The following STXBP5 variants were observed in gnomAD, a reference collection of about 807,000 sequenced individuals.
STXBP5 encodes syntaxin-binding protein 5.
In STXBP5, 50 loss-of-function variants were observed where a neutral mutation model predicts 152.4. That is an observed-to-expected ratio of 0.33 (90% CI 0.26 to 0.42). STXBP5 has a LOEUF of 0.42. STXBP5 is among the 10% of genes least tolerant of loss of function. The pLI, the probability that STXBP5 is intolerant of heterozygous loss-of-function variation, is 1.00. For synonymous variants in STXBP5, 492 were observed against 494.7 expected, an observed-to-expected ratio of 0.99 and a Z score of 0.07; for missense variants, 1,167 against 1,388.6, an observed-to-expected ratio of 0.84 and a Z score of 2.54.
At chr6:147,368,501 C>A (rs1014447786) in intron 25 of STXBP5, among the ~76,000 whole-genome samples, 19 of 152,186 alleles carry the variant, frequency 1.2e-4, no homozygotes, top group Admixed American at 3.3e-4. Flanking sequence ...GTAAGAAAAA[C>A]CCACATCTCA....
chr6:147,210,499 G>C (rs1377971485), intron 2 of STXBP5, among the ~76,000 whole-genome samples: 1 of 152,072 alleles, frequency 6.6e-6, no homozygotes, highest in Non-Finnish European at 1.5e-5. Context: ...TTCTGTCAGT[G>C]TTTCTCAAAG....
rs1394529318 is a variant in STXBP5 at position 147,310,235 on chromosome 6, A to G, written c.1069A>G (p.Asn357Asp). ...FLTLCETPYP[N>D]DFQEPYAVVV... ...AACGCTGTGTGAAACACCATACCCAAATGGTAAGCTTTGCAACTTTAAAGC... is the reference window on the plus strand; with the variant it reads ...AACGCTGTGTGAAACACCATACCCAGATGGTAAGCTTTGCAACTTTAAAGC... The change falls in exon 10 of 28, where the codon AAT (asparagine) becomes GAT (aspartate). Residue 357 changes from asparagine (N) to aspartate (D), a missense_variant. Around this residue, in one of 3 missense-constraint regions of STXBP5, gnomAD observed 833 missense variants for 986.3 expected, o/e 0.84. Coordinates refer to ENST00000321680, the MANE Select transcript of STXBP5 (RefSeq NM_001127715.4). 6.4e-6 allele frequency: 10 copies of G among 1,559,086 alleles called. No homozygotes were observed. The highest frequency in any genetic ancestry group is 2.1e-5 in the Admixed American group (1 of 46,786).
At chr6:147,271,308 A>G (rs1163315944) in intron 7 of STXBP5, among the ~76,000 whole-genome samples, 3 of 152,184 alleles carry the variant, frequency 2.0e-5, no homozygotes, top group Non-Finnish European at 4.4e-5. Context: ...AAATGACTAT[A>G]TTAATATCAA....
At chr6:147,218,898 A>G (rs938100804) in intron 2 of STXBP5, among the ~76,000 whole-genome samples, 5 of 152,226 alleles carry the variant, frequency 3.3e-5, no homozygotes, top group Non-Finnish European at 1.5e-5. Flanking sequence ...ATCAATGAAC[A>G]AAGAAAGTTT....
At chr6:147,314,470 C>T (rs754059041) in intron 13 of STXBP5, 126 bp from the exon 14 acceptor site, 21 of 1,301,556 alleles carry the variant, frequency 1.6e-5, no homozygotes, top group Admixed American at 2.2e-5. Flanking sequence ...TTCTTAAGAA[C>T]CTGCCAGTTT....
Position 147,278,137 on chromosome 6 carries a change from A to C in STXBP5, c.771A>C (p.Ser257=). 6.2e-7 allele frequency: 1 copy of C among 1,613,066 alleles called. No homozygotes were observed. Among genetic ancestry groups the C allele is most frequent in the African/African-American group, 1.3e-5 (1 of 75,020 alleles). ...GAAAACAATTTATTTGCAGTCATTC[A>C]GATGGCACCTTGACTATATGGAATG... ...HEGKQFICSH[S]DGTLTIWNVR... is the part of the protein sequence containing the mutation. Residue 257 remains serine, a synonymous_variant, in exon 8 of 28, where the codon TCA becomes TCC. Transcript: ENST00000321680.
intron 4 of STXBP5, among the ~76,000 whole-genome samples, chr6:147,260,305 T>C (rs1040555330): frequency 6.6e-6 from 1 of 152,108 alleles, no homozygotes; most frequent in East Asian, 1.9e-4. Flanking sequence ...TCATAGCTTA[T>C]GGCCTAAAGG....
At chr6:147,260,277 G>A (rs1047692653) in intron 4 of STXBP5, among the ~76,000 whole-genome samples, 1 of 152,192 alleles carries the variant, frequency 6.6e-6, no homozygotes, top group African/African-American at 2.4e-5. Context: ...GTACTCAGGG[G>A]TGATGTAGAT....
intron 2 of STXBP5, among the ~76,000 whole-genome samples, chr6:147,224,076 A>G (rs893678211): frequency 6.6e-6 from 1 of 152,242 alleles, no homozygotes; most frequent in Non-Finnish European, 1.5e-5. Context: ...GGTCAAGAGA[A>G]CGAGCAATAT....
rs1786085229 is a variant in STXBP5, at chr6:147,381,587, C to T, written c.3194-1191C>T. Among the ~76,000 whole-genome samples, 3 of 152,154 alleles carry T rather than the reference C, an allele frequency of 2.0e-5. No individual in the cohort carries two copies. In the South Asian group the frequency reaches 6.2e-4, roughly 31 times the overall value. On this transcript the variant is annotated intron_variant, in intron 26 of 27. Coordinates refer to ENST00000321680, the MANE Select transcript of STXBP5 (RefSeq NM_001127715.4). ...TTACCCAAACATTTGTATAAATGTT[C>T]ATAGTAGCTTTATTCATAATAGCCA... is the stretch of plus-strand genomic sequence containing the variant.
Position 147,311,537 on chromosome 6 carries a change from A to AAAATTTGGTGAGTGATTCTATC in STXBP5, c.1145+12_1145+33dup. On this transcript the variant is annotated intron_variant, in intron 11 of 27. Coordinates refer to ENST00000321680, the MANE Select transcript of STXBP5 (RefSeq NM_001127715.4). ...ACCTTGCACAAAATGGGTAAGAAATAAAATTTGGTGAGTGATTCTATCAGT... is the reference window on the plus strand; with the variant it reads ...ACCTTGCACAAAATGGGTAAGAAATAAAATTTGGTGAGTGATTCTATCAAATTTGGTGAGTGATTCTATCAGT... The AAAATTTGGTGAGTGATTCTATC allele has an allele frequency of 1.9e-6, 3 of 1,602,136 alleles. No homozygotes were observed. The highest frequency in any genetic ancestry group is 2.6e-6 in the Non-Finnish European group (3 of 1,171,508).
At chr6:147,346,564 C>G (rs966506913) in intron 21 of STXBP5, among the ~76,000 whole-genome samples, 2 of 151,962 alleles carry the variant, frequency 1.3e-5, no homozygotes, top group Non-Finnish European at 2.9e-5. Flanking sequence ...CATGGTAAAC[C>G]CCGTCCCTCA....
intron 21 of STXBP5, among the ~76,000 whole-genome samples, chr6:147,343,655 T>C (rs190238884): frequency 3.4e-4 from 52 of 152,324 alleles, no homozygotes; most frequent in Non-Finnish European, 4.7e-4. Context: ...TTGCTTTTTC[T>C]TGTGTGTCTT....
At chr6:147,364,710 G>A (rs1264053285) in intron 25 of STXBP5, among the ~76,000 whole-genome samples, 1 of 152,140 alleles carries the variant, frequency 6.6e-6, no homozygotes, top group Non-Finnish European at 1.5e-5. Flanking sequence ...ATGTGCTTCT[G>A]TGTGTATTCG....
intron 7 of STXBP5, among the ~76,000 whole-genome samples, chr6:147,269,665 G>A (rs1028270480): frequency 3.9e-5 from 6 of 151,936 alleles, no homozygotes; most frequent in African/African-American, 1.5e-4. Flanking sequence ...AGACATGGAA[G>A]GCAAAAATCA....
At chr6:147,383,963 G>T (rs1319228280) in intron 27 of STXBP5, among the ~76,000 whole-genome samples, 1 of 151,986 alleles carries the variant, frequency 6.6e-6, no homozygotes, top group South Asian at 2.1e-4. Flanking sequence ...TCTAGGTCAG[G>T]ATTTTTGTTG....
At chr6:147,242,026 G>C (rs1226985088) in intron 4 of STXBP5, among the ~76,000 whole-genome samples, 1 of 152,034 alleles carries the variant, frequency 6.6e-6, no homozygotes, top group African/African-American at 2.4e-5. Context: ...AGAAGGCATT[G>C]TTATCATAGG....
At chr6:147,229,276 A>G (rs1008139733) in intron 2 of STXBP5, among the ~76,000 whole-genome samples, 2 of 152,136 alleles carry the variant, frequency 1.3e-5, no homozygotes, top group African/African-American at 4.8e-5. Flanking sequence ...TGCTTGCCTT[A>G]AATTCATTGC....
chr6:147,304,057 C>T (rs1387363398), intron 9 of STXBP5, among the ~76,000 whole-genome samples: 2 of 152,184 alleles, frequency 1.3e-5, no homozygotes, highest in East Asian at 3.8e-4. Context: ...AAATTCAAAC[C>T]TGCTGCAGAA....
Sources: gnomAD v4.1 joint callset for allele counts (sites outside exome capture counted in the v4.1 genomes callset) on GRCh38, gnomAD v4.1.1 for gene constraint, gnomAD v4.1.1 regional missense constraint, MANE v1.5 for transcripts, NCBI Gene and HGNC (gene_info 2026-07-23, HGNC 2026-07-21) for gene names.